The following EMILIN2 variants were observed in gnomAD, a reference collection of about 807,000 sequenced individuals.
The protein encoded by EMILIN2 is elastin microfibril interfacer 2.
EMILIN2 carries 71 observed loss-of-function variants against 87.1 expected under a neutral mutation model. The observed-to-expected ratio is 0.82, with a 90% CI of 0.67 to 0.99. The LOEUF is 0.99. Ranked by LOEUF, EMILIN2 falls within the 50% of genes least tolerant of loss-of-function variation. The pLI is 0.00. For synonymous variants in EMILIN2, 581 were observed against 563.4 expected (o/e 1.03, Z -0.44); for missense variants, 1,407 against 1,371.8 (o/e 1.03, Z -0.40).
chr18:2,873,029 A>T (rs1028732204), intron 2 of EMILIN2, among the ~76,000 whole-genome samples: 9 of 151,846 alleles, frequency 5.9e-5, no homozygotes, highest in African/African-American at 2.2e-4. Flanking sequence ...AAACAACAAA[A>T]TAATGCAGAT....
At position 2,852,613 on chromosome 18, in the gene EMILIN2, G is replaced by T. The variant is rs144977982; in HGVS notation, c.257+4682G>T. Among the ~76,000 whole-genome samples, 1,077 of 152,238 alleles carry T rather than the reference G, an allele frequency of 7.1e-3. 11 individuals are homozygous for T. Among genetic ancestry groups the T allele is most frequent in the African/African-American group, 0.025 (1,021 of 41,518 alleles). ...GGCTCACTGCAACCTCCACCTCCTG[G>T]GTTCAAGCGATTCTCCTGCCTCAGC... On this transcript the variant is annotated intron_variant, in intron 2 of 7. Coordinates refer to ENST00000254528, the MANE Select transcript of EMILIN2 (RefSeq NM_032048.3).
chr18:2,885,644 A>G (rs186866151), intron 3 of EMILIN2, among the ~76,000 whole-genome samples: 161 of 152,196 alleles, frequency 1.1e-3, no homozygotes, highest in Non-Finnish European at 2.0e-3. Context: ...TTGGCCTCCG[A>G]GTAGCTGGGA....
Position 2,913,110 on chromosome 18 carries a change from C to T in EMILIN2, c.2868C>T (p.Ala956=), listed in dbSNP as rs973440265. ...ATGATGGGCGCTACCTGATCACGGCCACCCTCACCCCCGAGAGAGACGCCT... is the reference window on the plus strand; with the variant it reads ...ATGATGGGCGCTACCTGATCACGGCTACCCTCACCCCCGAGAGAGACGCCT... The part of the protein sequence containing the change: ...APYDGRYLIT[A]TLTPERDAYV... The change falls in exon 8 of 8, where the codon GCC becomes GCT. Residue 956 remains alanine, a synonymous_variant. Coordinates refer to ENST00000254528, the MANE Select transcript of EMILIN2 (RefSeq NM_032048.3). 40 of 1,612,734 alleles carry T rather than the reference C, an allele frequency of 2.5e-5. No individual in the cohort carries two copies. The highest frequency in any genetic ancestry group is 3.3e-5 in the Non-Finnish European group (39 of 1,180,010).
chr18:2,898,371 T>G (rs915851450), intron 4 of EMILIN2, among the ~76,000 whole-genome samples: 1 of 152,186 alleles, frequency 6.6e-6, no homozygotes, highest in African/African-American at 2.4e-5. Context: ...CAGCTGGCTT[T>G]AGCTTCCCCT....
chr18:2,862,820 G>A (rs2076667775), intron 2 of EMILIN2, among the ~76,000 whole-genome samples: 1 of 152,284 alleles, frequency 6.6e-6, no homozygotes, highest in Admixed American at 6.5e-5. Flanking sequence ...TTGTACCTCT[G>A]GTAGAATACA....
chr18:2,903,781 T>C (rs954226913), intron 4 of EMILIN2, among the ~76,000 whole-genome samples: 5 of 152,212 alleles, frequency 3.3e-5, no homozygotes, highest in Non-Finnish European at 7.3e-5. Context: ...TTCCATTTTT[T>C]TTAAAAATTG....
chr18:2,895,681 G>C (rs1161985256), intron 4 of EMILIN2, among the ~76,000 whole-genome samples: 1 of 152,186 alleles, frequency 6.6e-6, no homozygotes, highest in East Asian at 1.9e-4. Flanking sequence ...CTTCCTCACA[G>C]CATGGCGGTG....
intron 2 of EMILIN2, among the ~76,000 whole-genome samples, chr18:2,873,354 G>A (rs941392195): frequency 5.3e-5 from 8 of 152,132 alleles, no homozygotes; most frequent in African/African-American, 1.4e-4. Flanking sequence ...AGATTGCAGT[G>A]AGCCAAGATT....
Position 2,891,498 on chromosome 18 carries a change from CA to C in EMILIN2, c.1373del (p.Asn458MetfsTer2). The C allele has an allele frequency of 1.2e-6, 2 of 1,614,178 alleles. No homozygotes were observed. The highest frequency in any genetic ancestry group is 1.7e-6 in the Non-Finnish European group (2 of 1,180,034). On this transcript the variant is annotated frameshift_variant, in exon 4 of 8. Transcript: ENST00000254528. LOFTEE classifies it high-confidence loss of function. The surrounding 1 kb of genome is among the most constrained non-coding windows in gnomAD (Gnocchi z 4.6). ...AKWNELDARI[N>X]VTEKNAEEHC... ...AATGGAATGAACTCGATGCAAGGAT[CA>C]ATGTGACGGAGAAGAACGCTGAAGA... is the stretch of plus-strand genomic sequence containing the variant.
chr18:2,859,339 A>C (rs1286278878), intron 2 of EMILIN2, among the ~76,000 whole-genome samples: 1 of 151,910 alleles, frequency 6.6e-6, no homozygotes, highest in Non-Finnish European at 1.5e-5. Flanking sequence ...GGATTTTTTC[A>C]TATGTTTTTT....
chr18:2,882,880 T>C (rs987484718), intron 2 of EMILIN2, among the ~76,000 whole-genome samples: 1 of 71,566 alleles, frequency 1.4e-5, no homozygotes, highest in African/African-American at 5.0e-5. Flanking sequence ...TGAAACATCA[T>C]CTCAAAAAAA....
At chr18:2,872,382 T>C (rs749679361) in intron 2 of EMILIN2, among the ~76,000 whole-genome samples, 18 of 152,212 alleles carry the variant, frequency 1.2e-4, no homozygotes, top group Non-Finnish European at 2.5e-4. Flanking sequence ...GTCTTTGAAA[T>C]TGGTTTTTTT....
rs1347493596 is a variant in EMILIN2 at position 2,903,129 on chromosome 18, G to A, written c.2360-3654G>A. 2.7e-5 allele frequency among the ~76,000 whole-genome samples: 4 copies of A among 149,902 alleles called. 1 individual carries two copies. The South Asian group carries it at 6.5e-4, about 24-fold the overall frequency. On this transcript the variant is annotated intron_variant, in intron 4 of 7. Transcript: ENST00000254528. ...AGTGGGGAGGAAGGAAAGAGAGGTT[G>A]AGAAGAGAGAGGAGTGATGTCAGAT...
At chr18:2,876,849 C>G (rs1240991857) in intron 2 of EMILIN2, among the ~76,000 whole-genome samples, 1 of 152,172 alleles carries the variant, frequency 6.6e-6, no homozygotes, top group Non-Finnish European at 1.5e-5. Context: ...TCACTGGATA[C>G]ATTTTGTGTT....
At position 2,858,583 on chromosome 18, in the gene EMILIN2, G is replaced by GTGTGTGTATATATA. The variant is rs1180735843; in HGVS notation, c.257+10653_257+10654insGTGTGTATATATAT. Among the ~76,000 whole-genome samples the GTGTGTGTATATATA allele has an allele frequency of 6.3e-5, 4 of 63,042 alleles. 1 individual carries two copies. The highest frequency in any genetic ancestry group is 2.8e-4 in the African/African-American group (3 of 10,698). 41.4% of individuals were successfully genotyped at this position (63,042 alleles called of 152,430 possible). A position where few individuals can be genotyped will look rare whatever the true frequency, so the allele number is the denominator to read the frequency against. On this transcript the variant is annotated intron_variant, in intron 2 of 7. Transcript: ENST00000254528. Reference sequence around the variant, plus strand: ...TATATATATATATGTGTGTGTGTGTGTATATATATATATATATATGTGTAT... The same window carrying GTGTGTGTATATATA: ...TATATATATATATGTGTGTGTGTGTGTGTGTGTATATATATATATATATATATATATATGTGTAT...
rs566978667 is a variant in EMILIN2, at chr18:2,859,780, C to G, written c.257+11849C>G. Among the ~76,000 whole-genome samples the G allele has an allele frequency of 9.2e-5, 14 of 152,274 alleles. No homozygotes were observed. The South Asian group carries it at 2.7e-3, about 29-fold the overall frequency. On this transcript the variant is annotated intron_variant, in intron 2 of 7. Transcript: ENST00000254528. ...GAGATGAGGATCCAGTTTCATTCTT[C>G]TACATGTGGCTTGCCAGTTATCCCA...
intron 2 of EMILIN2, among the ~76,000 whole-genome samples, chr18:2,883,949 TTC>T (rs2076789703): frequency 6.6e-6 from 1 of 151,978 alleles, no homozygotes; most frequent in Admixed American, 6.6e-5. Context: ...CCAGGGATGT[TTC>T]TTTCTTTCTT....
chr18:2,883,307 G>T (rs2076786659), intron 2 of EMILIN2, among the ~76,000 whole-genome samples: 3 of 152,306 alleles, frequency 2.0e-5, no homozygotes, highest in Admixed American at 1.3e-4. Flanking sequence ...GCTGGTGCTT[G>T]GGAGGGAGTT....
intron 2 of EMILIN2, among the ~76,000 whole-genome samples, chr18:2,873,585 T>C (rs1458310433): frequency 6.6e-6 from 1 of 151,160 alleles, no homozygotes; most frequent in Non-Finnish European, 1.5e-5. Flanking sequence ...CGGGCGCCTG[T>C]AGTCCCAGCT....
Sources: gnomAD v4.1 joint callset for allele counts (sites outside exome capture counted in the v4.1 genomes callset) on GRCh38, gnomAD v4.1.1 for gene constraint, Gnocchi (gnomAD v3.1) non-coding constraint, MANE v1.5 for transcripts, NCBI Gene and HGNC (gene_info 2026-07-23, HGNC 2026-07-21) for gene names.